The following KCNQ5 variants were observed in gnomAD, a reference collection of about 807,000 sequenced individuals.
KCNQ5 encodes the protein potassium voltage-gated channel subfamily Q member 5, also known as potassium voltage-gated channel subfamily KQT member 5.
A neutral mutation model predicts 98.2 loss-of-function variants in KCNQ5; 30 were observed. The ratio of observed to expected loss-of-function variants is 0.31; its 90% CI spans 0.23 to 0.41. The LOEUF (loss-of-function observed/expected upper bound fraction) is 0.41. KCNQ5 is among the 10% of genes least tolerant of loss of function. The pLI is 1.00. For synonymous variants in KCNQ5, 458 were observed against 449.4 expected (o/e 1.02, Z -0.24); for missense variants, 835 against 1,182.5 (o/e 0.71, Z 4.31).
At chr6:72,825,441 G>A (rs906114593) in intron 1 of KCNQ5, among the ~76,000 whole-genome samples, 1 of 152,214 alleles carries the variant, frequency 6.6e-6, no homozygotes, top group African/African-American at 2.4e-5. Context: ...CAAGAACAGT[G>A]CCACTGGTAG....
At chr6:72,698,086 G>A (rs1394282537) in intron 1 of KCNQ5, among the ~76,000 whole-genome samples, 3 of 152,108 alleles carry the variant, frequency 2.0e-5, no homozygotes, top group African/African-American at 4.8e-5. Flanking sequence ...AAGTGTGTCC[G>A]TTGATGTTTG....
rs145237332 is a variant in KCNQ5 at position 73,156,720 on chromosome 6, G to A, written c.1469-13026G>A. On this transcript the variant is annotated intron_variant, in intron 10 of 13. Coordinates refer to ENST00000370398, the MANE Select transcript of KCNQ5 (RefSeq NM_019842.4). ...TCACAATAATGGTTGCCTTTTTTAT[G>A]CGATGCATAAATATTTTGTTACAGA... is the stretch of plus-strand genomic sequence containing the variant. Among the ~76,000 whole-genome samples the A allele has an allele frequency of 1.6e-4, 24 of 152,294 alleles. No individual in the cohort carries two copies. The East Asian group carries it at 2.3e-3, about 15-fold the overall frequency.
rs1765735246 is a variant in KCNQ5, at chr6:73,195,057, T to C, written c.2442T>C (p.Thr814=). The C allele has an allele frequency of 6.2e-7, 1 of 1,614,132 alleles. No homozygotes were observed. The highest frequency in any genetic ancestry group is 8.5e-7 in the Non-Finnish European group (1 of 1,180,032). ...AAAGCTTTGACATGGGAGGAGAAAC[T>C]CTGTTGTCTGTCTGTCCCATGGTGC... ...MRKSFDMGGE[T]LLSVCPMVPK... The change falls in exon 14 of 14, where the codon ACT becomes ACC. Residue 814 remains threonine (T), a synonymous_variant. Transcript: ENST00000370398.
At chr6:73,036,772 G>A (rs1771453165) in intron 2 of KCNQ5, among the ~76,000 whole-genome samples, 1 of 152,136 alleles carries the variant, frequency 6.6e-6, no homozygotes, top group Non-Finnish European at 1.5e-5. Flanking sequence ...GGCTGTTTTT[G>A]GGGTCTGGTC....
intron 1 of KCNQ5, among the ~76,000 whole-genome samples, chr6:72,930,665 A>G (rs886287758): frequency 2.6e-5 from 4 of 151,836 alleles, no homozygotes; most frequent in Admixed American, 6.6e-5. Context: ...AATTAACCAT[A>G]TGCACTACTG....
At chr6:72,734,312 T>TTTTGTTTG (rs149734979) in intron 1 of KCNQ5, among the ~76,000 whole-genome samples, 19 of 151,502 alleles carry the variant, frequency 1.3e-4, no homozygotes, top group South Asian at 2.1e-4. Flanking sequence ...AATAACTAGT[T>TTTTGTTTG]TTTGTTTGTT....
chr6:72,977,165 G>A (rs1291821285), intron 1 of KCNQ5, among the ~76,000 whole-genome samples: 1 of 152,044 alleles, frequency 6.6e-6, no homozygotes, highest in Admixed American at 6.6e-5. Context: ...TTCTCATTTT[G>A]AGGCTATCTC....
At chr6:73,190,925 T>A (rs1369636423) in intron 12 of KCNQ5, among the ~76,000 whole-genome samples, 1 of 152,210 alleles carries the variant, frequency 6.6e-6, no homozygotes, top group East Asian at 1.9e-4. Context: ...TCTGTAAAAA[T>A]GGGAAGAAAG....
At chr6:73,038,170 C>T (rs1049766760) in intron 2 of KCNQ5, among the ~76,000 whole-genome samples, 3 of 151,866 alleles carry the variant, frequency 2.0e-5, no homozygotes, top group African/African-American at 7.3e-5. Context: ...ATTTTCATTT[C>T]CACATGATCA....
intron 1 of KCNQ5, among the ~76,000 whole-genome samples, chr6:72,764,225 C>T (rs1208247558): frequency 1.3e-5 from 2 of 151,840 alleles, no homozygotes; most frequent in African/African-American, 2.4e-5. Context: ...CTAAATTGTA[C>T]TCATTTGGAA....
chr6:73,049,739 T>C (rs1005475767), intron 3 of KCNQ5, among the ~76,000 whole-genome samples: 1 of 152,178 alleles, frequency 6.6e-6, no homozygotes, highest in African/African-American at 2.4e-5. Context: ...AATATTCTAA[T>C]TCCACTGGCC....
At position 73,072,728 on chromosome 6, in the gene KCNQ5, C is replaced by T. The variant is rs116094408; in HGVS notation, c.617-4594C>T. ...TTCAAGAATTCATGTGTAAATCATT[C>T]TAAGTGATGCAGTAAATTAGTGAAC... On this transcript the variant is annotated intron_variant, in intron 3 of 13. Coordinates refer to ENST00000370398, the MANE Select transcript of KCNQ5 (RefSeq NM_019842.4). 4.6e-3 allele frequency among the ~76,000 whole-genome samples: 704 copies of T among 152,288 alleles called. 3 individuals carry two copies. Among genetic ancestry groups the T allele is most frequent in the African/African-American group, 0.016 (669 of 41,570 alleles).
intron 1 of KCNQ5, among the ~76,000 whole-genome samples, chr6:72,822,060 T>C (rs1775784223): frequency 6.6e-6 from 1 of 152,140 alleles, no homozygotes; most frequent in Admixed American, 6.6e-5. Flanking sequence ...CTAGGGCTCA[T>C]AGCATGCTCC....
intron 1 of KCNQ5, among the ~76,000 whole-genome samples, chr6:72,623,961 G>A (rs1011310386): frequency 3.3e-5 from 5 of 152,194 alleles, no homozygotes; most frequent in African/African-American, 1.2e-4. Flanking sequence ...AACCACATAG[G>A]AGTCAGGAAA....
chr6:73,177,486 T>C (rs552073251), intron 11 of KCNQ5, among the ~76,000 whole-genome samples: 2 of 152,326 alleles, frequency 1.3e-5, no homozygotes, highest in East Asian at 3.9e-4. Flanking sequence ...GTTATTCCTG[T>C]TCTGAAAGGC....
chr6:72,653,761 ATT>A (rs1175091531), intron 1 of KCNQ5, among the ~76,000 whole-genome samples: 1 of 152,076 alleles, frequency 6.6e-6, no homozygotes, highest in Non-Finnish European at 1.5e-5. Context: ...ATTTTTAAAT[ATT>A]TATTAGAGAA....
At chr6:72,738,573 T>C (rs2154476062) in intron 1 of KCNQ5, among the ~76,000 whole-genome samples, 1 of 152,284 alleles carries the variant, frequency 6.6e-6, no homozygotes, top group East Asian at 1.9e-4. Context: ...TATTGATTTA[T>C]GACGTTATTT....
rs746664642 is a variant in KCNQ5 at position 72,986,230 on chromosome 6, A to AAAAG, written c.399-17666_399-17663dup. On this transcript the variant is annotated intron_variant, in intron 1 of 13. Coordinates refer to ENST00000370398, the MANE Select transcript of KCNQ5 (RefSeq NM_019842.4). Reference sequence around the variant, plus strand: ...GGGTGACAGTGTGAGACTCCATCTCAAAAGAAAGAAAGAAAATGTGGAACA... The same window carrying AAAAG: ...GGGTGACAGTGTGAGACTCCATCTCAAAAGAAAGAAAGAAAGAAAATGTGGAACA... 2.2e-4 allele frequency: 41 copies of AAAAG among 188,102 alleles called. 1 individual carries two copies. The highest frequency in any genetic ancestry group is 3.1e-4 in the Non-Finnish European group (29 of 92,136). 11.7% of individuals were successfully genotyped at this position (188,102 alleles called of 1,614,324 possible).
At chr6:73,116,898 T>C (rs958306743) in intron 7 of KCNQ5, among the ~76,000 whole-genome samples, 2 of 152,152 alleles carry the variant, frequency 1.3e-5, no homozygotes, top group Admixed American at 6.5e-5. Context: ...GCTGAAACCT[T>C]CTAAACCATT....
Sources: gnomAD v4.1 joint callset for allele counts (sites outside exome capture counted in the v4.1 genomes callset) on GRCh38, gnomAD v4.1.1 for gene constraint, MANE v1.5 for transcripts, NCBI Gene and HGNC (gene_info 2026-07-23, HGNC 2026-07-21) for gene names.